The following SREBF1 variants were observed in gnomAD, a reference collection of about 807,000 sequenced individuals.
The protein encoded by SREBF1 is sterol regulatory element binding transcription factor 1.
Under a neutral mutation model 100.1 loss-of-function variants are expected in SREBF1, and 45 were observed. That is an observed-to-expected ratio of 0.45 (90% confidence interval 0.35 to 0.58). The LOEUF (loss-of-function observed/expected upper bound fraction) is 0.58, where lower values mean the gene tolerates loss of function less well. Among genes scored for constraint, SREBF1 ranks in the 20% least tolerant of loss-of-function variants. The probability of loss-of-function intolerance (pLI) is 0.00; values close to 1 mark genes in which losing one functional copy is unlikely to be tolerated. For synonymous variants in SREBF1, 657 were observed against 681.8 expected, an observed-to-expected ratio of 0.96 and a Z score of 0.57; for missense variants, 1,324 against 1,539.4, an observed-to-expected ratio of 0.86 and a Z score of 2.34.
At chr17:17,814,187 C>T in intron 16 of SREBF1, 58 bp downstream of exon 16, 7 of 1,546,920 alleles carry the variant, frequency 4.5e-6, no homozygotes, top group Non-Finnish European at 6.1e-6. Context: ...GGGAGAGGAA[C>T]CAGGGAATGG....
In SREBF1 at chr17:17,817,733, TCA is replaced by T; in HGVS notation, c.1365_1366del (p.Ser455ArgfsTer5). On this transcript the variant is annotated frameshift_variant, in exon 7 of 19. Coordinates refer to ENST00000261646, the MANE Select transcript of SREBF1 (RefSeq NM_004176.5). LOFTEE classifies it high-confidence loss of function. This position sits in a 1 kb window ranked among gnomAD's most constrained non-coding sequence, Gnocchi z 6.6. Reference sequence around the variant, plus strand: ...AAAGACTGGGCTGTCAGGCTCCGAGTCACTGCCACTGCCACCGCTGCCACTGC... The same window carrying T: ...AAAGACTGGGCTGTCAGGCTCCGAGTCTGCCACTGCCACCGCTGCCACTGC... 1 of 1,613,188 alleles carries T rather than the reference TCA, an allele frequency of 6.2e-7. No individual in the cohort carries two copies. Among genetic ancestry groups the T allele is most frequent in the Non-Finnish European group, 8.5e-7 (1 of 1,179,930 alleles).
At chr17:17,829,205 A>AAAATATATATATAT (rs1210718799) in intron 1 of SREBF1, among the ~76,000 whole-genome samples, 3 of 65,850 alleles carry the variant, frequency 4.6e-5, no homozygotes, top group African/African-American at 2.6e-4. Context: ...AAAAAAAAAA[A>AAAATATATATATAT]ATATATATAT....
chr17:17,814,463 C>G, intron 15 of SREBF1, 53 bp from the exon 16 acceptor site: 1 of 1,545,568 alleles, frequency 6.5e-7, no homozygotes, highest in Non-Finnish European at 8.7e-7. Context: ...CAAGCCCTGG[C>G]TGAGTGCCCC....
Position 17,836,727 on chromosome 17 carries a change from C to T in SREBF1, c.91G>A (p.Asp31Asn). The T allele has an allele frequency of 6.4e-7, 1 of 1,567,870 alleles. No homozygotes were observed. The highest frequency in any genetic ancestry group is 8.6e-7 in the Non-Finnish European group (1 of 1,164,498). ...TCAAGCCCTGCCCGCCCTGACGCAC[C>T]TTCGATGTCGGTCAGCAGCGCCGCG... Reference protein sequence around the residue: ...LDAALLTDIEDMLQLINNQDS... With the variant: ...LDAALLTDIENMLQLINNQDS... The change falls in exon 1 of 19, where the codon GAC (aspartate) becomes AAC (asparagine). Residue 31 changes from aspartate to asparagine, a missense_variant and splice_region_variant. Asp to Asn is a conservative substitution (Grantham distance 23). Coordinates refer to ENST00000261646, the MANE Select transcript of SREBF1 (RefSeq NM_004176.5).
At position 17,816,484 on chromosome 17, in the gene SREBF1, G is replaced by T; in HGVS notation, c.2020C>A (p.His674Asn). The change falls in exon 10 of 19, where the codon CAT becomes AAT. Residue 674 changes from histidine to asparagine, a missense_variant. By Grantham distance (68) the His-to-Asn change is moderately conservative. Coordinates refer to ENST00000261646, the MANE Select transcript of SREBF1 (RefSeq NM_004176.5). The part of the protein sequence containing the change: ...ASARDAALVY[H>N]KLHQLHTMGK... ...ATGGTGTGCAGCTGGTGCAGCTTATGGTAGACCAGGGCTGCGTCTCGGGCG... is the reference window on the plus strand; with the variant it reads ...ATGGTGTGCAGCTGGTGCAGCTTATTGTAGACCAGGGCTGCGTCTCGGGCG... 6.2e-7 allele frequency: 1 copy of T among 1,605,652 alleles called. No individual in the cohort carries two copies. The highest frequency in any genetic ancestry group is 8.5e-7 in the Non-Finnish European group (1 of 1,176,952).
rs762538826 is a variant in SREBF1 at position 17,817,676 on chromosome 17, G to A, written c.1404+20C>T. 2.5e-6 allele frequency: 4 copies of A among 1,612,414 alleles called. No individual in the cohort carries two copies. The highest frequency in any genetic ancestry group is 1.1e-5 in the South Asian group (1 of 91,054). ...GATATGGCTGGGAGTGGGGAAGGGGGCACCGTGGCAGGGCCCAACCTTGCT... is the reference window on the plus strand; with the variant it reads ...GATATGGCTGGGAGTGGGGAAGGGGACACCGTGGCAGGGCCCAACCTTGCT... On this transcript the variant is annotated intron_variant, in intron 7 of 18. Transcript: ENST00000261646. This position sits in a 1 kb window ranked among gnomAD's most constrained non-coding sequence, Gnocchi z 6.6.
Position 17,817,162 on chromosome 17 carries a change from C to CA in SREBF1, c.1607-27dup, listed in dbSNP as rs1336970325. 7 of 1,612,800 alleles carry CA rather than the reference C, an allele frequency of 4.3e-6. No individual in the cohort carries two copies. The highest frequency in any genetic ancestry group is 5.9e-6 in the Non-Finnish European group (7 of 1,179,852). On this transcript the variant is annotated intron_variant, in intron 8 of 18. Coordinates refer to ENST00000261646, the MANE Select transcript of SREBF1 (RefSeq NM_004176.5). This position sits in a 1 kb window ranked among gnomAD's most constrained non-coding sequence, Gnocchi z 6.6. ...CTATGGACAGAGGGAAAGCTGGGGA[C>CA]ACAGCTCCCAGGAAATCCAGAGCCC...
chr17:17,828,782 C>T (rs1289856350), intron 1 of SREBF1, among the ~76,000 whole-genome samples: 1 of 152,064 alleles, frequency 6.6e-6, no homozygotes, highest in East Asian at 1.9e-4. Flanking sequence ...GGCATGGTGG[C>T]ATGAGCCTGT....
At position 17,817,742 on chromosome 17, in the gene SREBF1, C is replaced by T. The variant is rs999618182; in HGVS notation, c.1358G>A (p.Ser453Asn). 1 of 1,613,540 alleles carries T rather than the reference C, an allele frequency of 6.2e-7. No homozygotes were observed. The highest frequency in any genetic ancestry group is 1.3e-5 in the African/African-American group (1 of 75,014). ...GCTGTCAGGCTCCGAGTCACTGCCA[C>T]TGCCACCGCTGCCACTGCCCCTGCT... ...LGSRGSGSGGSGSDSEPDSPV... is the reference protein window; with the variant it reads ...LGSRGSGSGGNGSDSEPDSPV... Residue 453 changes from serine to asparagine, a missense_variant, in exon 7 of 19, where the codon AGT (serine) becomes AAT (asparagine). By Grantham distance (46) the Ser-to-Asn change is conservative. Coordinates refer to ENST00000261646, the MANE Select transcript of SREBF1 (RefSeq NM_004176.5). This position sits in a 1 kb window ranked among gnomAD's most constrained non-coding sequence, Gnocchi z 6.6.
chr17:17,813,098 A>T, intron 18 of SREBF1: 1 of 601,130 alleles, frequency 1.7e-6, no homozygotes, highest in Non-Finnish European at 3.0e-6. Context: ...TGTGAAAGGA[A>T]TTGTCATCAG....
intron 1 of SREBF1, among the ~76,000 whole-genome samples, chr17:17,834,626 G>T (rs2035113904): frequency 6.6e-6 from 1 of 152,246 alleles, no homozygotes; most frequent in African/African-American, 2.4e-5. Context: ...GGCTGCCCAT[G>T]CCTGGCCTTT....
intron 15 of SREBF1, 68 bp downstream of exon 15, chr17:17,814,547 G>T: frequency 2.0e-6 from 3 of 1,535,558 alleles, no homozygotes; most frequent in Non-Finnish European, 2.6e-6. Flanking sequence ...GCTGAGTGAG[G>T]CACAGTGCCC....
Position 17,823,703 on chromosome 17 carries a change from CT to C in SREBF1, c.92-3183del. The C allele has an allele frequency of 4.4e-6, 3 of 677,454 alleles. No homozygotes were observed. The East Asian group carries it at 2.2e-4, about 51-fold the overall frequency. The allele number at this position is 677,454 out of a possible 1,614,324, so 42.0% of individuals were successfully genotyped here. A position where few individuals can be genotyped will look rare whatever the true frequency, so the allele number is the denominator to read the frequency against. On this transcript the variant is annotated intron_variant, in intron 1 of 18. Coordinates refer to ENST00000261646, the MANE Select transcript of SREBF1 (RefSeq NM_004176.5). ...CAGCCCCGCCCCAGCCCCGCCCCGCCTGCAGGTCCCGCCCCGCCCCGCCCTT... is the reference window on the plus strand; with the variant it reads ...CAGCCCCGCCCCAGCCCCGCCCCGCCGCAGGTCCCGCCCCGCCCCGCCCTT...
At position 17,819,072 on chromosome 17, in the gene SREBF1, A is replaced by G; in HGVS notation, c.1009T>C (p.Ser337Pro). Residue 337 changes from serine to proline, a missense_variant, in exon 5 of 19, where the codon TCC (serine) becomes CCC (proline). By Grantham distance (74) the Ser-to-Pro change is moderately conservative (BLOSUM62 -1). Coordinates refer to ENST00000261646, the MANE Select transcript of SREBF1 (RefSeq NM_004176.5). ...AHNAIEKRYRSSINDKIIELK... is the reference protein window; with the variant it reads ...AHNAIEKRYRPSINDKIIELK... ...TCAATGATTTTGTCATTGATGGAGG[A>G]GCGGTAGCGCTTCTCAATGGCGTTG... is the stretch of plus-strand genomic sequence containing the variant. The G allele has an allele frequency of 6.2e-7, 1 of 1,613,962 alleles. No homozygotes were observed. The highest frequency in any genetic ancestry group is 8.5e-7 in the Non-Finnish European group (1 of 1,180,030).
rs745947246 is a variant in SREBF1, at chr17:17,815,934, C to T, written c.2309G>A (p.Arg770His). 13 of 1,612,794 alleles carry T rather than the reference C, an allele frequency of 8.1e-6. No individual in the cohort carries two copies. The highest frequency in any genetic ancestry group is 1.3e-5 in the African/African-American group (1 of 74,886). ...MQWLCHPVGH[R>H]FFVDGDWSVL... Reference sequence around the variant, plus strand: ...GGACCAGTCCCCATCCACGAAGAAACGGTGGCCCACGGGGTGGCAGAGCCA... The same window carrying T: ...GGACCAGTCCCCATCCACGAAGAAATGGTGGCCCACGGGGTGGCAGAGCCA... Residue 770 changes from arginine to histidine, a missense_variant, in exon 12 of 19, where the codon CGT becomes CAT. Coordinates refer to ENST00000261646, the MANE Select transcript of SREBF1 (RefSeq NM_004176.5).
At chr17:17,823,459 G>C in intron 1 of SREBF1, 1 of 1,306,816 alleles carries the variant, frequency 7.7e-7, no homozygotes, top group Non-Finnish European at 1.1e-6. Flanking sequence ...CACCCCAGGA[G>C]AACCTGCAGG....
At position 17,820,144 on chromosome 17, in the gene SREBF1, A is replaced by G. The variant is rs1486286397; in HGVS notation, c.469T>C (p.Phe157Leu). 3 of 1,613,062 alleles carry G rather than the reference A, an allele frequency of 1.9e-6. No homozygotes were observed. The East Asian group carries it at 6.7e-5, about 36-fold the overall frequency. The part of the protein sequence containing the change: ...QSFPAPAPPQ[F>L]SSTPVLGYPS... ...TAGCCTAACACAGGGGTGGAGCTGA[A>G]CTGCGGTGGGGCTGGGGCTGGGAAG... The change falls in exon 2 of 19, where the codon TTC becomes CTC. Residue 157 changes from phenylalanine (F) to leucine (L), a missense_variant. By Grantham distance (22) the Phe-to-Leu change is conservative (BLOSUM62 0). Transcript: ENST00000261646.
intron 1 of SREBF1, among the ~76,000 whole-genome samples, chr17:17,836,239 G>GGCGGGGGAAGGGC (rs2035219279): frequency 6.6e-6 from 1 of 152,292 alleles, no homozygotes; most frequent in Non-Finnish European, 1.5e-5. Flanking sequence ...CCCGACACGA[G>GGCGGGGGAAGGGC]GCGGGGGAAG....
chr17:17,819,962 A>C, intron 2 of SREBF1, 128 bp downstream of exon 2: 1 of 1,208,836 alleles, frequency 8.3e-7, no homozygotes, highest in Non-Finnish European at 1.1e-6. Flanking sequence ...AGGGCATCTC[A>C]AGCAGCCGAG....
Sources: gnomAD v4.1 joint callset for allele counts (sites outside exome capture counted in the v4.1 genomes callset) on GRCh38, gnomAD v4.1.1 for gene constraint, Gnocchi (gnomAD v3.1) non-coding constraint, MANE v1.5 for transcripts, NCBI Gene and HGNC (gene_info 2026-07-23, HGNC 2026-07-21) for gene names.